Variants in ABCA5 observed in about 807,000 individuals in gnomAD.
ABCA5 encodes cholesterol transporter ABCA5.
In ABCA5, 163 loss-of-function variants were observed where a neutral mutation model predicts 206.0. That is an observed-to-expected ratio of 0.79 (90% confidence interval 0.70 to 0.90). The LOEUF (loss-of-function observed/expected upper bound fraction) is 0.90. Ranked by LOEUF, ABCA5 falls within the 40% of genes least tolerant of loss-of-function variation. The pLI is 0.00. For missense variants in ABCA5, 1,859 were observed against 1,912.9 expected, an observed-to-expected ratio of 0.97 and a Z score of 0.53; for synonymous variants, 609 against 613.8, an observed-to-expected ratio of 0.99 and a Z score of 0.11.
At position 69,251,770 on chromosome 17, in the gene ABCA5, A is replaced by G. The variant is rs2075016031; in HGVS notation, c.4512T>C (p.Ala1504=). The change falls in exon 35 of 39, where the codon GCT becomes GCC. Residue 1504 remains alanine, a synonymous_variant. Transcript: ENST00000392676. The part of the protein sequence containing the change: ...EEAEAVCDRV[A]IMVSGQLRCI... ...ACCTTAACTGCCCAGACACCATGAT[A>G]GCTACTCGATCACAGACAGCCTCTG... is the stretch of plus-strand genomic sequence containing the variant. The G allele has an allele frequency of 1.2e-6, 2 of 1,614,032 alleles. No homozygotes were observed. Among genetic ancestry groups the G allele is most frequent in the South Asian group, 1.1e-5 (1 of 91,064 alleles).
chr17:69,257,583 G>C (rs1286923160), intron 28 of ABCA5, among the ~76,000 whole-genome samples: 3 of 151,878 alleles, frequency 2.0e-5, no homozygotes, highest in African/African-American at 7.3e-5. Context: ...GCTATGAAAG[G>C]AAAGAGAGAT....
chr17:69,313,414 A>G, intron 2 of ABCA5, 118 bp from the exon 3 acceptor site: 1 of 364,896 alleles, frequency 2.7e-6, no homozygotes, highest in Non-Finnish European at 4.3e-6. Context: ...GTCCTTTCTT[A>G]TGAATAAAAT....
intron 5 of ABCA5, among the ~76,000 whole-genome samples, chr17:69,307,405 T>C (rs924893933): frequency 3.3e-5 from 5 of 152,018 alleles, no homozygotes; most frequent in African/African-American, 9.7e-5. Flanking sequence ...TTAGCACATA[T>C]AGACCAAATA....
chr17:69,313,367 AATAAT>A, intron 2 of ABCA5, 71 bp from the exon 3 acceptor site: 1 of 713,660 alleles, frequency 1.4e-6, no homozygotes, highest in Non-Finnish European at 2.2e-6. Flanking sequence ...TTTCTTGGCA[AATAAT>A]ATAATACTAA....
chr17:69,276,262 T>C (rs1320981814), intron 19 of ABCA5, among the ~76,000 whole-genome samples: 2 of 152,142 alleles, frequency 1.3e-5, no homozygotes, highest in African/African-American at 4.8e-5. Context: ...AATTTTTTTA[T>C]ATTTTTAGTA....
chr17:69,278,304 C>T (rs2075355633), intron 18 of ABCA5, among the ~76,000 whole-genome samples: 1 of 152,182 alleles, frequency 6.6e-6, no homozygotes, highest in Non-Finnish European at 1.5e-5. Flanking sequence ...CTTATTATCT[C>T]TGTATCTGTA....
chr17:69,271,212 C>T lies in ABCA5; in HGVS notation c.2842G>A (p.Val948Ile). The T allele has an allele frequency of 6.2e-7, 1 of 1,613,588 alleles. No individual in the cohort carries two copies. Among genetic ancestry groups the T allele is most frequent in the Non-Finnish European group, 8.5e-7 (1 of 1,179,704 alleles). The change falls in exon 21 of 39, where the codon GTA becomes ATA. Residue 948 changes from valine to isoleucine, a missense_variant. Coordinates refer to ENST00000392676, the MANE Select transcript of ABCA5 (RefSeq NM_172232.4). Reference protein sequence around the residue: ...MVTMINDSDYVSVAPHSAALN... With the variant: ...MVTMINDSDYISVAPHSAALN... ...GCCGCACTATGGGGAGCCACGGATA[C>T]ATAGTCACTGTCATTAATCATCGTC...
intron 8 of ABCA5, among the ~76,000 whole-genome samples, chr17:69,301,999 T>G (rs1004370544): frequency 6.6e-6 from 1 of 152,204 alleles, no homozygotes; most frequent in Non-Finnish European, 1.5e-5. Context: ...TCTCAAAATG[T>G]ATAACAATCA....
intron 1 of ABCA5, among the ~76,000 whole-genome samples, chr17:69,321,314 C>T (rs924354561): frequency 5.9e-5 from 9 of 152,122 alleles, no homozygotes; most frequent in African/African-American, 2.2e-4. Flanking sequence ...AAGCGGTGTT[C>T]CTGACAGAAG....
intron 28 of ABCA5, among the ~76,000 whole-genome samples, chr17:69,258,350 T>C (rs1009610675): frequency 4.6e-5 from 7 of 152,198 alleles, no homozygotes; most frequent in African/African-American, 1.7e-4. Context: ...ATAAATAGAA[T>C]GAAATTATGT....
At chr17:69,286,482 G>A (rs986718558) in intron 15 of ABCA5, among the ~76,000 whole-genome samples, 171 bp from the exon 16 acceptor site, 1 of 152,064 alleles carries the variant, frequency 6.6e-6, no homozygotes, top group Non-Finnish European at 1.5e-5. Context: ...TTTCAGATAT[G>A]AATACTAAGG....
chr17:69,307,802 G>C (rs919078733), intron 5 of ABCA5, among the ~76,000 whole-genome samples: 1 of 152,020 alleles, frequency 6.6e-6, no homozygotes, highest in African/African-American at 2.4e-5. Flanking sequence ...TTTGATTCCA[G>C]CTCCATCATT....
Position 69,247,413 on chromosome 17 carries a change from T to C in ABCA5, c.*124A>G. ...AACCACAGCATTTCAATTAAGGAGC[T>C]TAGAAAAATTTCAAGTGCGTTCTTG... On this transcript the variant is annotated 3_prime_UTR_variant, in exon 39 of 39. Coordinates refer to ENST00000392676, the MANE Select transcript of ABCA5 (RefSeq NM_172232.4). 1 of 616,292 alleles carries C rather than the reference T, an allele frequency of 1.6e-6. No individual in the cohort carries two copies. Among genetic ancestry groups the C allele is most frequent in the Non-Finnish European group, 2.8e-6 (1 of 352,754 alleles). The allele number at this position is 616,292 out of a possible 1,614,324, so 38.2% of individuals were successfully genotyped here.
Position 69,313,641 on chromosome 17 carries a change from C to T in ABCA5, c.103-345G>A, listed in dbSNP as rs1284783493. ...TATAATTTTATCTAAAGCAATTTAC[C>T]GAACATCCCTATATGGATTCACCAT... is the stretch of plus-strand genomic sequence containing the variant. On this transcript the variant is annotated intron_variant, in intron 2 of 38. Transcript: ENST00000392676. 3.9e-5 allele frequency among the ~76,000 whole-genome samples: 6 copies of T among 151,980 alleles called. No individual in the cohort carries two copies. The South Asian group carries it at 8.3e-4, about 21-fold the overall frequency.
In ABCA5 at chr17:69,326,666, T is replaced by C. The variant is rs2075898448; in HGVS notation, c.-16+386A>G. Among the ~76,000 whole-genome samples, 1 of 152,244 alleles carries C rather than the reference T, an allele frequency of 6.6e-6. No homozygotes were observed. Among genetic ancestry groups the C allele is most frequent in the African/African-American group, 2.4e-5 (1 of 41,470 alleles). On this transcript the variant is annotated intron_variant, in intron 1 of 38. Transcript: ENST00000392676. The surrounding 1 kb of genome is among the most constrained non-coding windows in gnomAD (Gnocchi z 4.8). ...TTTACATCAATATTTGTTTTCCTTC[T>C]TTCCCTGAGGTTGCTGAGGGTGGAA...
rs576917268 is a variant in ABCA5, at chr17:69,266,861, TTTTATTTA to T, written c.3144+1074_3144+1081del. On this transcript the variant is annotated intron_variant, in intron 23 of 38. Coordinates refer to ENST00000392676, the MANE Select transcript of ABCA5 (RefSeq NM_172232.4). ...ATTTTTATTAGAATGTATTTATTTA[TTTTATTTA>T]TTTATTTATTTATTTATTTTTGAGA... Among the ~76,000 whole-genome samples, 8 of 150,280 alleles carry T rather than the reference TTTTATTTA, an allele frequency of 5.3e-5. No individual in the cohort carries two copies. The East Asian group carries it at 7.7e-4, about 14-fold the overall frequency.
chr17:69,296,137 T>C (rs563452360), intron 10 of ABCA5, among the ~76,000 whole-genome samples: 20 of 152,324 alleles, frequency 1.3e-4, no homozygotes, highest in African/African-American at 4.3e-4. Context: ...TGTCATTTCA[T>C]GTCAGCACAA....
chr17:69,256,456 C>CTT (rs563994135), intron 28 of ABCA5, among the ~76,000 whole-genome samples, 173 bp from the exon 29 acceptor site: 2 of 137,856 alleles, frequency 1.5e-5, no homozygotes, highest in South Asian at 2.3e-4. Context: ...TTCTTTCTTT[C>CTT]TTTTTTTTTT....
At chr17:69,285,305 T>C (rs1426819797) in intron 17 of ABCA5, 1 of 94,762 alleles carries the variant, frequency 1.1e-5, no homozygotes, top group Non-Finnish European at 2.2e-5. Context: ...GTCCACTTAA[T>C]TTGTGATTTC....
Sources: allele counts gnomAD v4.1 joint callset (sites outside exome capture counted in the v4.1 genomes callset), GRCh38; gene constraint gnomAD v4.1.1; non-coding constraint Gnocchi (gnomAD v3.1); transcripts MANE v1.5; gene names NCBI Gene and HGNC (gene_info 2026-07-23, HGNC 2026-07-21).